Variants in CCSER1 observed in about 807,000 individuals in gnomAD.
The protein encoded by CCSER1 is serine-rich coiled-coil domain-containing protein 1.
A neutral mutation model predicts 82.0 loss-of-function variants in CCSER1; 41 were observed. The ratio of observed to expected loss-of-function variants is 0.50; its 90% CI spans 0.39 to 0.65. The LOEUF (loss-of-function observed/expected upper bound fraction) is 0.65. Among genes scored for constraint, CCSER1 ranks in the 30% least tolerant of loss-of-function variants. The probability of loss-of-function intolerance (pLI) is 0.00; values close to 1 mark genes in which losing one functional copy is unlikely to be tolerated. For synonymous variants in CCSER1, 414 were observed against 383.9 expected (o/e 1.08, Z -0.92); for missense variants, 1,119 against 1,064.2 (o/e 1.05, Z -0.72).
intron 10 of CCSER1, among the ~76,000 whole-genome samples, chr4:91,193,153 A>G (rs1002412089): frequency 2.0e-5 from 3 of 151,940 alleles, no homozygotes; most frequent in African/African-American, 7.3e-5. Context: ...AGAGCCTTTT[A>G]CCTCAGTGTT....
intron 9 of CCSER1, among the ~76,000 whole-genome samples, chr4:90,988,531 G>C (rs1402734633): frequency 6.6e-6 from 1 of 151,316 alleles, no homozygotes; most frequent in Non-Finnish European, 1.5e-5. Context: ...GCCAATTATT[G>C]CTGGTGCTAA....
chr4:91,244,737 T>C (rs978268213), intron 10 of CCSER1, among the ~76,000 whole-genome samples: 6 of 152,122 alleles, frequency 3.9e-5, no homozygotes, highest in African/African-American at 1.4e-4. Context: ...AATGAACATC[T>C]ACAAGTATCA....
intron 6 of CCSER1, among the ~76,000 whole-genome samples, chr4:90,644,643 A>G (rs1727165467): frequency 1.3e-5 from 2 of 151,526 alleles, no homozygotes; most frequent in East Asian, 3.9e-4. Context: ...AACAGGCCCC[A>G]GTGCGTGTTG....
At chr4:91,515,430 C>T (rs1382203550) in intron 10 of CCSER1, among the ~76,000 whole-genome samples, 2 of 152,100 alleles carry the variant, frequency 1.3e-5, no homozygotes, top group Non-Finnish European at 2.9e-5. Flanking sequence ...TGTTATTTAG[C>T]TCCCACTTAT....
At chr4:91,579,272 GT>G (rs113378690) in intron 10 of CCSER1, among the ~76,000 whole-genome samples, 75 of 151,612 alleles carry the variant, frequency 4.9e-4, no homozygotes, top group African/African-American at 1.8e-3. Context: ...ACATGTGCAT[GT>G]TTGTTGTATG....
intron 9 of CCSER1, among the ~76,000 whole-genome samples, chr4:90,944,564 T>C (rs1482350926): frequency 6.6e-6 from 1 of 152,196 alleles, no homozygotes; most frequent in Non-Finnish European, 1.5e-5. Context: ...AGAAGTTTTT[T>C]GGAATTACCT....
At position 91,082,258 on chromosome 4, in the gene CCSER1, C is replaced by T. The variant is rs568108794; in HGVS notation, c.2173-3692C>T. Among the ~76,000 whole-genome samples the T allele has an allele frequency of 3.4e-4, 51 of 152,196 alleles. 2 individuals are homozygous for T. In the South Asian group the frequency reaches 0.01, roughly 30 times the overall value. ...CAGAAAAGAGCCCTCGGAAATAATACCACACATCTACAACCATCTTTGACA... is the reference window on the plus strand; with the variant it reads ...CAGAAAAGAGCCCTCGGAAATAATATCACACATCTACAACCATCTTTGACA... On this transcript the variant is annotated intron_variant, in intron 9 of 10. Coordinates refer to ENST00000509176, the MANE Select transcript of CCSER1 (RefSeq NM_001145065.2).
At chr4:90,476,709 G>T (rs1269947627) in intron 5 of CCSER1, among the ~76,000 whole-genome samples, 2 of 152,134 alleles carry the variant, frequency 1.3e-5, no homozygotes, top group African/African-American at 4.8e-5. Flanking sequence ...AGAAACTGCT[G>T]CCCTTGATTG....
chr4:91,171,387 G>T (rs1732737830), intron 10 of CCSER1, among the ~76,000 whole-genome samples: 1 of 152,156 alleles, frequency 6.6e-6, no homozygotes, highest in African/African-American at 2.4e-5. Context: ...CTTAATTTTA[G>T]AGAGGTTTCT....
At chr4:90,183,755 C>T (rs1734119870) in intron 1 of CCSER1, among the ~76,000 whole-genome samples, 1 of 152,102 alleles carries the variant, frequency 6.6e-6, no homozygotes, top group Non-Finnish European at 1.5e-5. Flanking sequence ...TTGTCACAAT[C>T]TGGCAGTGTT....
intron 4 of CCSER1, among the ~76,000 whole-genome samples, chr4:90,447,365 C>G (rs1246878049): frequency 1.3e-5 from 2 of 151,912 alleles, no homozygotes; most frequent in East Asian, 1.9e-4. Context: ...ATGAAATTTA[C>G]TAGAATGCAT....
At chr4:91,137,100 C>G (rs536933941) in intron 10 of CCSER1, among the ~76,000 whole-genome samples, 2 of 145,434 alleles carry the variant, frequency 1.4e-5, no homozygotes, top group Non-Finnish European at 3.0e-5. Context: ...CATGCTGGTG[C>G]GCTGCACCCA....
intron 6 of CCSER1, among the ~76,000 whole-genome samples, chr4:90,661,634 G>T (rs1022951304): frequency 6.6e-6 from 1 of 152,132 alleles, no homozygotes; most frequent in African/African-American, 2.4e-5. Context: ...ATAGTTATTA[G>T]ACCATGGTAC....
intron 1 of CCSER1, among the ~76,000 whole-genome samples, chr4:90,259,817 C>T (rs971494150): frequency 1.3e-5 from 2 of 152,066 alleles, no homozygotes; most frequent in Admixed American, 6.6e-5. Context: ...CTCATTTTGT[C>T]ATGATGTATT....
At chr4:90,356,518 G>A (rs764690079) in intron 3 of CCSER1, among the ~76,000 whole-genome samples, 87 of 151,696 alleles carry the variant, frequency 5.7e-4, no homozygotes, top group Non-Finnish European at 8.9e-4. Flanking sequence ...TTAGCTATTT[G>A]ACATTGGAAT....
intron 5 of CCSER1, among the ~76,000 whole-genome samples, chr4:90,528,582 CA>C (rs1774078223): frequency 6.6e-6 from 1 of 152,114 alleles, no homozygotes; most frequent in African/African-American, 2.4e-5. Context: ...TTACTCCAAC[CA>C]AACTTTAAAG....
chr4:91,159,051 A>G (rs1343120311), intron 10 of CCSER1, among the ~76,000 whole-genome samples: 1 of 151,828 alleles, frequency 6.6e-6, no homozygotes, highest in South Asian at 2.1e-4. Context: ...CCCCTCCTTA[A>G]GATTTCCAGT....
chr4:90,856,747 CAA>C (rs1361413290), intron 8 of CCSER1, among the ~76,000 whole-genome samples: 1 of 151,948 alleles, frequency 6.6e-6, no homozygotes, highest in Admixed American at 6.6e-5. Context: ...ATAGAAATAA[CAA>C]TATCTTTGGA....
chr4:90,131,738 C>T (rs114742461), intron 1 of CCSER1, among the ~76,000 whole-genome samples: 5,572 of 152,092 alleles, frequency 0.037, 140 homozygotes, highest in South Asian at 0.061. Context: ...GATACGGAGC[C>T]TATAGTGAAA....
Sources: gnomAD v4.1 joint callset for allele counts (sites outside exome capture counted in the v4.1 genomes callset) on GRCh38, gnomAD v4.1.1 for gene constraint, MANE v1.5 for transcripts, NCBI Gene and HGNC (gene_info 2026-07-23, HGNC 2026-07-21) for gene names.